Variants in MGAT5 observed in about 807,000 individuals in gnomAD.
MGAT5 encodes alpha-1,6-mannosylglycoprotein 6-beta-N-acetylglucosaminyltransferase.
A neutral mutation model predicts 94.3 loss-of-function variants in MGAT5; 30 were observed. The observed-to-expected ratio is 0.32, with a 90% confidence interval of 0.24 to 0.43. The LOEUF is 0.43. Among genes scored for constraint, MGAT5 ranks in the 20% least tolerant of loss-of-function variants. The probability of loss-of-function intolerance (pLI) is 1.00; values close to 1 mark genes in which losing one functional copy is unlikely to be tolerated. For synonymous variants in MGAT5, 310 were observed against 322.9 expected, an observed-to-expected ratio of 0.96 and a Z score of 0.43; for missense variants, 691 against 905.5, an observed-to-expected ratio of 0.76 and a Z score of 3.04.
intron 1 of MGAT5, among the ~76,000 whole-genome samples, chr2:134,233,143 T>C (rs1447488136): frequency 6.6e-6 from 1 of 152,238 alleles, no homozygotes; most frequent in African/African-American, 2.4e-5. Context: ...TTGTAGATTG[T>C]AAAATATAAG....
intron 13 of MGAT5, among the ~76,000 whole-genome samples, chr2:134,425,019 C>G (rs1684501171): frequency 6.6e-6 from 1 of 152,166 alleles, no homozygotes; most frequent in Non-Finnish European, 1.5e-5. Flanking sequence ...GACAGCATAT[C>G]TTGTAAAGGG....
At chr2:134,159,951 C>T (rs1687655011) in intron 1 of MGAT5, among the ~76,000 whole-genome samples, 1 of 152,134 alleles carries the variant, frequency 6.6e-6, no homozygotes, top group Non-Finnish European at 1.5e-5. Flanking sequence ...CCCAAGTCTG[C>T]CCTGAAAATG....
chr2:134,322,326 T>C (rs769190722), intron 4 of MGAT5, among the ~76,000 whole-genome samples: 2 of 152,182 alleles, frequency 1.3e-5, no homozygotes, highest in African/African-American at 2.4e-5. Context: ...ATCCTTTGAC[T>C]TCTGGTAATA....
At chr2:134,215,312 G>A (rs142051835) in intron 1 of MGAT5, among the ~76,000 whole-genome samples, 97 of 152,292 alleles carry the variant, frequency 6.4e-4, no homozygotes, top group African/African-American at 2.1e-3. Flanking sequence ...AGGCTGTTAG[G>A]TGTTGCTATA....
intron 1 of MGAT5, among the ~76,000 whole-genome samples, chr2:134,234,042 C>T (rs1407386836): frequency 6.6e-6 from 1 of 152,208 alleles, no homozygotes; most frequent in Admixed American, 6.5e-5. Context: ...ATGCTATGTC[C>T]TTTCATGATG....
intron 10 of MGAT5, among the ~76,000 whole-genome samples, chr2:134,370,040 G>A (rs1236584611): frequency 6.6e-6 from 1 of 152,136 alleles, no homozygotes; most frequent in East Asian, 1.9e-4. Context: ...GGTGACTGCT[G>A]CATCTGAGAT....
intron 2 of MGAT5, among the ~76,000 whole-genome samples, chr2:134,297,695 T>G (rs62167995): frequency 0.15 from 22,059 of 152,078 alleles, 1,731 homozygotes; most frequent in Middle Eastern, 0.35. Context: ...AAAGCAATTC[T>G]CAACAAACTA....
intron 1 of MGAT5, among the ~76,000 whole-genome samples, chr2:134,170,424 A>T (rs1688149394): frequency 6.6e-6 from 1 of 152,214 alleles, no homozygotes; most frequent in African/African-American, 2.4e-5. Context: ...TGGATTTGTA[A>T]TGACTGTGGG....
At chr2:134,212,909 G>A (rs35490142) in intron 1 of MGAT5, among the ~76,000 whole-genome samples, 9,149 of 152,262 alleles carry the variant, frequency 0.06, 374 homozygotes, top group East Asian at 0.15. Flanking sequence ...GAGTGATGGC[G>A]TAAGTGAGCC....
At position 134,355,922 on chromosome 2, in the gene MGAT5, A is replaced by G. The variant is rs142496573; in HGVS notation, c.1246+5984A>G. 8.6e-4 allele frequency among the ~76,000 whole-genome samples: 131 copies of G among 152,320 alleles called. 1 individual carries two copies. In the East Asian group the frequency reaches 0.022, roughly 26 times the overall value. ...GTTTCAGATCTCAGACCTTATTTTT[A>G]TATCCTACAAAAATTTCAATAACCT... On this transcript the variant is annotated intron_variant, in intron 9 of 15. Coordinates refer to ENST00000281923, the MANE Select transcript of MGAT5 (RefSeq NM_002410.5).
At position 134,403,113 on chromosome 2, in the gene MGAT5, G is replaced by A; in HGVS notation, c.1506G>A (p.Leu502=). The A allele has an allele frequency of 6.2e-7, 1 of 1,604,912 alleles. No individual in the cohort carries two copies. The highest frequency in any genetic ancestry group is 8.5e-7 in the Non-Finnish European group (1 of 1,178,074). The stretch of plus-strand genomic sequence containing the variant: ...ATGGTATCCTCAGTGGACGGGACCT[G>A]CAGTTCCTTCTTCGAGAAACCAAGG... The part of the protein sequence containing the change: ...KNHGILSGRD[L]QFLLRETKLF... The change falls in exon 11 of 16, where the codon CTG becomes CTA. Residue 502 remains leucine (L), a synonymous_variant. Transcript: ENST00000281923.
At chr2:134,214,606 G>A (rs1030168558) in intron 1 of MGAT5, among the ~76,000 whole-genome samples, 2 of 152,002 alleles carry the variant, frequency 1.3e-5, no homozygotes, top group African/African-American at 4.8e-5. Context: ...AAGCTCTTTG[G>A]AAGGGAACTA....
At chr2:134,350,088 T>TG in intron 9 of MGAT5, 150 bp downstream of exon 9, 1 of 656,346 alleles carries the variant, frequency 1.5e-6, no homozygotes, top group East Asian at 2.9e-5. Flanking sequence ...TTACTGAATT[T>TG]GTTTTTTTGT....
intron 12 of MGAT5, among the ~76,000 whole-genome samples, chr2:134,415,729 TC>T (rs888251349): frequency 6.6e-6 from 1 of 152,192 alleles, no homozygotes; most frequent in Admixed American, 6.5e-5. Flanking sequence ...ACTTTTTTTT[TC>T]CTCGTAGTTG....
chr2:134,321,339 C>G (rs922212039), intron 4 of MGAT5, among the ~76,000 whole-genome samples: 9 of 152,188 alleles, frequency 5.9e-5, no homozygotes, highest in Admixed American at 6.5e-5. Flanking sequence ...CCTTCCTAAG[C>G]CTTTGCATGT....
Position 134,413,065 on chromosome 2 carries a change from A to G in MGAT5, c.1677+50A>G, listed in dbSNP as rs369586226. 5.4e-5 allele frequency: 86 copies of G among 1,594,828 alleles called. No homozygotes were observed. In the African/African-American group the frequency reaches 1.0e-3, roughly 19 times the overall value. ...ATTTTGAATAATATGAATAATAGCT[A>G]TTTATTGAGTGCTCATGTAGGTATT... On this transcript the variant is annotated intron_variant, in intron 12 of 15. Transcript: ENST00000281923.
chr2:134,362,518 C>T (rs1380371548), intron 10 of MGAT5, 110 bp downstream of exon 10: 6 of 1,314,294 alleles, frequency 4.6e-6, no homozygotes, highest in Non-Finnish European at 6.3e-6. Context: ...TTAATGGGAT[C>T]TACTTAGACA....
intron 1 of MGAT5, among the ~76,000 whole-genome samples, chr2:134,142,566 G>A (rs1374212314): frequency 6.6e-6 from 1 of 152,190 alleles, no homozygotes; most frequent in East Asian, 1.9e-4. Context: ...GCACAGAGGG[G>A]CAAAACCAAT....
At chr2:134,193,969 G>T (rs534011446) in intron 1 of MGAT5, among the ~76,000 whole-genome samples, 1 of 152,108 alleles carries the variant, frequency 6.6e-6, no homozygotes. Flanking sequence ...TATATCTTCC[G>T]CTGGACACTG....
Sources: allele counts gnomAD v4.1 joint callset (sites outside exome capture counted in the v4.1 genomes callset), GRCh38; gene constraint gnomAD v4.1.1; transcripts MANE v1.5; gene names NCBI Gene and HGNC (gene_info 2026-07-23, HGNC 2026-07-21).